The following CTNND2 variants were observed in gnomAD, a reference collection of about 807,000 sequenced individuals.
CTNND2 encodes the protein catenin delta 2.
A neutral mutation model predicts 144.4 loss-of-function variants in CTNND2; 22 were observed. The ratio of observed to expected loss-of-function variants is 0.15; its 90% CI spans 0.11 to 0.22. CTNND2 has a LOEUF of 0.22. CTNND2 is among the 10% of genes least tolerant of loss of function. The pLI is 1.00. For missense variants in CTNND2, 1,353 were observed against 1,618.8 expected (o/e 0.84, Z 2.82); for synonymous variants, 751 against 695.6 (o/e 1.08, Z -1.25).
chr5:11,674,552 G>C (rs993230628), intron 2 of CTNND2, among the ~76,000 whole-genome samples: 2 of 152,158 alleles, frequency 1.3e-5, no homozygotes, highest in African/African-American at 4.8e-5. Context: ...GTTTACCTTA[G>C]GGTTCAGTCT....
intron 18 of CTNND2, among the ~76,000 whole-genome samples, chr5:10,993,161 C>G (rs1738903030): frequency 6.6e-6 from 1 of 152,168 alleles, no homozygotes; most frequent in Non-Finnish European, 1.5e-5. Flanking sequence ...TGTGTCCTTT[C>G]CAGCCCCAAA....
At chr5:11,845,868 T>C (rs912995981) in intron 1 of CTNND2, among the ~76,000 whole-genome samples, 3 of 152,174 alleles carry the variant, frequency 2.0e-5, no homozygotes, top group African/African-American at 4.8e-5. Context: ...CTGTGATAAA[T>C]TGTGACTAGT....
intron 1 of CTNND2, among the ~76,000 whole-genome samples, chr5:11,882,037 A>G (rs1254410291): frequency 6.6e-6 from 1 of 151,726 alleles, no homozygotes; most frequent in Non-Finnish European, 1.5e-5. Flanking sequence ...TGTCTTTTTG[A>G]TTATTTGCCC....
intron 3 of CTNND2, among the ~76,000 whole-genome samples, chr5:11,514,833 C>T (rs1361890723): frequency 6.6e-6 from 1 of 152,182 alleles, no homozygotes; most frequent in Admixed American, 6.5e-5. Context: ...GACTTAGTCC[C>T]GCTCTGTCGC....
At chr5:11,525,365 A>C (rs1773144505) in intron 3 of CTNND2, among the ~76,000 whole-genome samples, 1 of 152,098 alleles carries the variant, frequency 6.6e-6, no homozygotes, top group Non-Finnish European at 1.5e-5. Flanking sequence ...AAACTGATAC[A>C]TTGTCTTTTT....
At chr5:11,851,997 C>T (rs1178884266) in intron 1 of CTNND2, among the ~76,000 whole-genome samples, 3 of 152,196 alleles carry the variant, frequency 2.0e-5, no homozygotes, top group Non-Finnish European at 4.4e-5. Flanking sequence ...CTTCCCTTCA[C>T]CTTCTATCTC....
chr5:11,191,665 C>T (rs543627112), intron 11 of CTNND2, among the ~76,000 whole-genome samples: 1 of 152,300 alleles, frequency 6.6e-6, no homozygotes, highest in African/African-American at 2.4e-5. Context: ...GTGCACGTAC[C>T]CCCTGCTGCT....
chr5:11,336,502 T>G (rs923963565), intron 9 of CTNND2, among the ~76,000 whole-genome samples: 3 of 151,628 alleles, frequency 2.0e-5, no homozygotes, highest in African/African-American at 7.3e-5. Flanking sequence ...TTCAACACCC[T>G]ATCAACACTG....
chr5:11,173,789 A>T (rs1209804976), intron 11 of CTNND2, among the ~76,000 whole-genome samples: 1 of 152,258 alleles, frequency 6.6e-6, no homozygotes, highest in African/African-American at 2.4e-5. Context: ...TAGCTTTAAC[A>T]TGCACAATTC....
intron 3 of CTNND2, among the ~76,000 whole-genome samples, chr5:11,432,287 A>T (rs1763373611): frequency 6.6e-6 from 1 of 150,502 alleles, no homozygotes; most frequent in Non-Finnish European, 1.5e-5. Context: ...GCTGAAAAAA[A>T]AAAAAGAGAC....
intron 2 of CTNND2, among the ~76,000 whole-genome samples, chr5:11,683,372 T>G (rs1450206796): frequency 2.0e-5 from 3 of 152,236 alleles, no homozygotes; most frequent in African/African-American, 7.2e-5. Flanking sequence ...ATAGGCTTCA[T>G]TACTCCAAAC....
At chr5:11,812,648 C>T (rs915382355) in intron 1 of CTNND2, among the ~76,000 whole-genome samples, 1 of 152,188 alleles carries the variant, frequency 6.6e-6, no homozygotes, top group Non-Finnish European at 1.5e-5. Context: ...AGGAAAATAA[C>T]AGTAAAGCTG....
chr5:11,234,333 G>A (rs1166475080), intron 10 of CTNND2, among the ~76,000 whole-genome samples: 6 of 152,200 alleles, frequency 3.9e-5, no homozygotes. Flanking sequence ...GAAGGTGGAT[G>A]AATGCACATT....
At chr5:11,175,800 G>T (rs1208494950) in intron 11 of CTNND2, among the ~76,000 whole-genome samples, 1 of 151,972 alleles carries the variant, frequency 6.6e-6, no homozygotes, top group South Asian at 2.1e-4. Context: ...AAATACTGAG[G>T]TATATTGCCA....
intron 16 of CTNND2, among the ~76,000 whole-genome samples, chr5:11,061,139 T>G (rs1279330084): frequency 1.3e-5 from 2 of 152,200 alleles, no homozygotes; most frequent in African/African-American, 4.8e-5. Flanking sequence ...TGTCTTTTTT[T>G]GCCACTTACG....
intron 2 of CTNND2, among the ~76,000 whole-genome samples, chr5:11,582,590 C>A (rs1209642450): frequency 3.9e-5 from 6 of 152,162 alleles, no homozygotes; most frequent in African/African-American, 9.7e-5. Flanking sequence ...ATTCCGTCAG[C>A]ATTCAGCTTT....
Position 11,077,099 on chromosome 5 carries a change from G to T in CTNND2, c.2788+5597C>A, listed in dbSNP as rs61750289. The stretch of plus-strand genomic sequence containing the variant: ...GGAGGTCATTTTAAGATGACGACAA[G>T]CAGGAAATATTCGGTTCAGTCATTT... On this transcript the variant is annotated intron_variant, in intron 16 of 21. Coordinates refer to ENST00000304623, the MANE Select transcript of CTNND2 (RefSeq NM_001332.4). Among the ~76,000 whole-genome samples the T allele has an allele frequency of 1.4e-3, 210 of 152,232 alleles. 1 individual carries two copies. Among genetic ancestry groups the T allele is most frequent in the African/African-American group, 4.1e-3 (172 of 41,540 alleles).
intron 5 of CTNND2, among the ~76,000 whole-genome samples, chr5:11,402,400 T>C (rs528701606): frequency 3.3e-4 from 50 of 152,386 alleles, no homozygotes; most frequent in African/African-American, 1.2e-3. Flanking sequence ...TGATTATTTC[T>C]AAAATTACCA....
At chr5:11,567,832 C>T (rs901183450) in intron 2 of CTNND2, among the ~76,000 whole-genome samples, 2 of 152,154 alleles carry the variant, frequency 1.3e-5, no homozygotes, top group Non-Finnish European at 2.9e-5. Flanking sequence ...GTCATATCTT[C>T]TGCTCCTCTA....
Sources: gnomAD v4.1 joint callset for allele counts (sites outside exome capture counted in the v4.1 genomes callset) on GRCh38, gnomAD v4.1.1 for gene constraint, MANE v1.5 for transcripts, NCBI Gene and HGNC (gene_info 2026-07-23, HGNC 2026-07-21) for gene names.